RIMS4: variants seen among roughly 807,000 people sequenced by gnomAD.
The protein encoded by RIMS4 is regulating synaptic membrane exocytosis 4.
RIMS4 carries 9 observed loss-of-function variants against 29.0 expected under a neutral mutation model. That is an observed-to-expected ratio of 0.31 (90% confidence interval 0.19 to 0.54). The LOEUF (loss-of-function observed/expected upper bound fraction) is 0.54. RIMS4 is among the 20% of genes least tolerant of loss of function. The probability of loss-of-function intolerance (pLI) is 0.94; values close to 1 mark genes in which losing one functional copy is unlikely to be tolerated. For synonymous variants in RIMS4, 130 were observed against 152.9 expected (o/e 0.85, Z 1.10); for missense variants, 193 against 365.7 (o/e 0.53, Z 3.85).
intron 1 of RIMS4, among the ~76,000 whole-genome samples, chr20:44,791,433 C>T (rs376086709): frequency 3.4e-4 from 52 of 152,214 alleles, no homozygotes; most frequent in African/African-American, 1.2e-3. Context: ...GTGGGAATAG[C>T]GACAGAACCT....
intron 1 of RIMS4, among the ~76,000 whole-genome samples, chr20:44,785,656 G>A (rs1180377138): frequency 2.6e-5 from 4 of 152,096 alleles, no homozygotes; most frequent in Non-Finnish European, 4.4e-5. Context: ...ACTGACTTCC[G>A]GTGTGACATC....
chr20:44,796,804 A>G (rs1436806645), intron 1 of RIMS4, among the ~76,000 whole-genome samples: 1 of 152,250 alleles, frequency 6.6e-6, no homozygotes, highest in Non-Finnish European at 1.5e-5. Context: ...GCCTGGAAGG[A>G]ACAAATGCTT....
At chr20:44,792,110 T>A (rs1213074701) in intron 1 of RIMS4, among the ~76,000 whole-genome samples, 1 of 152,030 alleles carries the variant, frequency 6.6e-6, no homozygotes. Context: ...TCTTTCCTCC[T>A]GGGCTGAGAA....
intron 2 of RIMS4, among the ~76,000 whole-genome samples, chr20:44,760,197 G>A (rs894301546): frequency 6.6e-6 from 1 of 152,226 alleles, no homozygotes; most frequent in Non-Finnish European, 1.5e-5. Context: ...CCTTGAGGAC[G>A]GTCTGTAGTC....
intron 1 of RIMS4, among the ~76,000 whole-genome samples, chr20:44,798,867 C>G (rs1397766744): frequency 6.6e-6 from 1 of 152,252 alleles, no homozygotes; most frequent in Non-Finnish European, 1.5e-5. Flanking sequence ...CACCTGCGAG[C>G]ACTCCCACAG....
chr20:44,810,001 C>T (rs2066316407), intron 1 of RIMS4, among the ~76,000 whole-genome samples, 174 bp downstream of exon 1: 1 of 151,432 alleles, frequency 6.6e-6, no homozygotes, highest in South Asian at 2.1e-4. Flanking sequence ...GGGGAGAAGG[C>T]CAGAAGGTAG....
intron 1 of RIMS4, among the ~76,000 whole-genome samples, chr20:44,809,463 G>C (rs1299485092): frequency 1.3e-5 from 2 of 152,062 alleles, no homozygotes; most frequent in Non-Finnish European, 2.9e-5. Context: ...AGCCCACCAA[G>C]AAAGGCGACT....
rs2066232872 is a variant in RIMS4 at position 44,791,576 on chromosome 20, T to A, written c.97+18599A>T. Among the ~76,000 whole-genome samples, 5 of 152,200 alleles carry A rather than the reference T, an allele frequency of 3.3e-5. No individual in the cohort carries two copies. The South Asian group carries it at 8.3e-4, about 25-fold the overall frequency. On this transcript the variant is annotated intron_variant, in intron 1 of 5. Coordinates refer to ENST00000372851, the MANE Select transcript of RIMS4 (RefSeq NM_182970.4). ...CAAGCATTTGTAACTCGTGAAAGCA[T>A]GATACCGTTTTTAAAAATTAAAACC... is the stretch of plus-strand genomic sequence containing the variant.
Position 44,755,003 on chromosome 20 carries a change from T to A in RIMS4, c.*1131A>T, listed in dbSNP as rs1292561650. The A allele has an allele frequency of 6.6e-6, 1 of 152,670 alleles. No homozygotes were observed. Among genetic ancestry groups the A allele is most frequent in the Non-Finnish European group, 1.5e-5 (1 of 68,056 alleles). 9.5% of individuals were successfully genotyped at this position (152,670 alleles called of 1,614,324 possible). A position where few individuals can be genotyped will look rare whatever the true frequency, so the allele number is the denominator to read the frequency against. ...CTACCCAGGCCTGCTGGAAAAGGAA[T>A]CTCCCAGTTCTTACACTCACGCCTC... On this transcript the variant is annotated 3_prime_UTR_variant, in exon 6 of 6. Transcript: ENST00000372851.
intron 2 of RIMS4, among the ~76,000 whole-genome samples, chr20:44,762,425 C>G (rs1230829733): frequency 6.6e-6 from 1 of 152,150 alleles, no homozygotes; most frequent in Non-Finnish European, 1.5e-5. Context: ...AGTGTCTGGG[C>G]TCCAAAAGCC....
chr20:44,810,164 C>G lies in RIMS4; in HGVS notation c.97+11G>C. ...CACCCCGGGGGTCTGGGGGGCGGGC[C>G]GCGCGCTTACCTGCGTCCTCGTCGT... On this transcript the variant is annotated intron_variant, in intron 1 of 5. Coordinates refer to ENST00000372851, the MANE Select transcript of RIMS4 (RefSeq NM_182970.4). 6.4e-7 allele frequency: 1 copy of G among 1,568,826 alleles called. No individual in the cohort carries two copies. Among genetic ancestry groups the G allele is most frequent in the South Asian group, 1.1e-5 (1 of 87,810 alleles).
intron 1 of RIMS4, among the ~76,000 whole-genome samples, chr20:44,777,491 G>T (rs984232060): frequency 2.6e-4 from 40 of 152,112 alleles, no homozygotes; most frequent in Admixed American, 2.4e-3. Context: ...CCATAACACT[G>T]AAAGACAAGT....
Position 44,783,411 on chromosome 20 carries a change from TCGGGAGTTTGA to T in RIMS4, c.98-12009_98-11999del, listed in dbSNP as rs1601033974. 3.3e-5 allele frequency among the ~76,000 whole-genome samples: 5 copies of T among 152,244 alleles called. No individual in the cohort carries two copies. In the East Asian group the frequency reaches 9.6e-4, roughly 29 times the overall value. On this transcript the variant is annotated intron_variant, in intron 1 of 5. Coordinates refer to ENST00000372851, the MANE Select transcript of RIMS4 (RefSeq NM_182970.4). Reference sequence around the variant, plus strand: ...GCCAAGGTGGGTGGATCACCTGAGGTCGGGAGTTTGAGATCACCCTGACCAATATGGTGAAA... The same window carrying T: ...GCCAAGGTGGGTGGATCACCTGAGGTGATCACCCTGACCAATATGGTGAAA...
chr20:44,758,810 T>C (rs2066071956), intron 2 of RIMS4, among the ~76,000 whole-genome samples: 1 of 152,170 alleles, frequency 6.6e-6, no homozygotes, highest in South Asian at 2.1e-4. Flanking sequence ...AGACGCTCTC[T>C]TTCCCACCAG....
At chr20:44,790,514 C>T (rs2066228339) in intron 1 of RIMS4, among the ~76,000 whole-genome samples, 1 of 152,188 alleles carries the variant, frequency 6.6e-6, no homozygotes. Context: ...GGTCCCACAA[C>T]AGATATGATT....
intron 1 of RIMS4, 146 bp downstream of exon 1, chr20:44,810,029 G>A (rs1411216772): frequency 2.6e-6 from 1 of 390,416 alleles, no homozygotes. Flanking sequence ...TGGAGACCCT[G>A]GGGTCCCGTG....
intron 1 of RIMS4, among the ~76,000 whole-genome samples, chr20:44,783,977 G>A (rs2066196645): frequency 6.6e-6 from 1 of 152,160 alleles, no homozygotes; most frequent in African/African-American, 2.4e-5. Context: ...TATGGTATAT[G>A]AATTATATCT....
chr20:44,777,325 G>A (rs1249193268), intron 1 of RIMS4, among the ~76,000 whole-genome samples: 1 of 152,172 alleles, frequency 6.6e-6, no homozygotes, highest in African/African-American at 2.4e-5. Context: ...GTTTATACTT[G>A]AATATGAATG....
chr20:44,803,834 G>A (rs961357005), intron 1 of RIMS4, among the ~76,000 whole-genome samples: 2 of 152,344 alleles, frequency 1.3e-5, no homozygotes, highest in African/African-American at 2.4e-5. Context: ...AGGCAGCCAC[G>A]GCAGCTGAGG....
Sources: gnomAD v4.1 joint callset for allele counts (sites outside exome capture counted in the v4.1 genomes callset) on GRCh38, gnomAD v4.1.1 for gene constraint, MANE v1.5 for transcripts, NCBI Gene and HGNC (gene_info 2026-07-23, HGNC 2026-07-21) for gene names.